The following PARP8 variants were observed in gnomAD, a reference collection of about 807,000 sequenced individuals.
The protein encoded by PARP8 is poly(ADP-ribose) polymerase family member 8.
PARP8 carries 51 observed loss-of-function variants against 124.1 expected under a neutral mutation model. That is an observed-to-expected ratio of 0.41 (90% CI 0.33 to 0.52). The LOEUF is 0.52. Ranked by LOEUF, PARP8 falls within the 20% of genes least tolerant of loss-of-function variation. PARP8 has a pLI of 0.21. For synonymous variants in PARP8, 391 were observed against 361.5 expected, an observed-to-expected ratio of 1.08 and a Z score of -0.93; for missense variants, 860 against 1,018.9, an observed-to-expected ratio of 0.84 and a Z score of 2.12.
At chr5:50,798,209 G>C (rs1193448804) in intron 14 of PARP8, among the ~76,000 whole-genome samples, 2 of 152,086 alleles carry the variant, frequency 1.3e-5, no homozygotes, top group Non-Finnish European at 2.9e-5. Context: ...CCAGTCATCA[G>C]TCGATGGAAT....
chr5:50,778,460 T>C (rs1299893670), intron 8 of PARP8, 100 bp from the exon 9 acceptor site: 1 of 944,096 alleles, frequency 1.1e-6, no homozygotes, highest in African/African-American at 1.7e-5. Flanking sequence ...CTTCATGTTA[T>C]ATGCATTTTG....
intron 2 of PARP8, among the ~76,000 whole-genome samples, chr5:50,677,200 G>A (rs1032639674): frequency 5.3e-5 from 8 of 151,668 alleles, no homozygotes; most frequent in African/African-American, 1.9e-4. Context: ...TCCTTAAGAA[G>A]AGACTCGTAG....
intron 2 of PARP8, among the ~76,000 whole-genome samples, chr5:50,742,394 T>C (rs548961520): frequency 6.6e-6 from 1 of 152,324 alleles, no homozygotes; most frequent in Non-Finnish European, 1.5e-5. Flanking sequence ...TGTGGGTTTA[T>C]GAGTTCTGTG....
chr5:50,726,639 A>T (rs1184866430), intron 2 of PARP8, among the ~76,000 whole-genome samples: 1 of 152,180 alleles, frequency 6.6e-6, no homozygotes, highest in East Asian at 1.9e-4. Context: ...GGGAAATCCC[A>T]CAAGGGAGCT....
chr5:50,678,524 A>G (rs1284680495), intron 2 of PARP8, among the ~76,000 whole-genome samples: 1 of 152,186 alleles, frequency 6.6e-6, no homozygotes, highest in African/African-American at 2.4e-5. Context: ...TTCATATTTG[A>G]TATATATAGG....
At chr5:50,820,134 T>C (rs1189246152) in intron 15 of PARP8, among the ~76,000 whole-genome samples, 1 of 152,182 alleles carries the variant, frequency 6.6e-6, no homozygotes, top group Non-Finnish European at 1.5e-5. Context: ...CTGGAAATTC[T>C]GGATGCTATG....
At chr5:50,746,692 T>C (rs1483220064) in intron 2 of PARP8, among the ~76,000 whole-genome samples, 2 of 152,194 alleles carry the variant, frequency 1.3e-5, no homozygotes, top group South Asian at 4.1e-4. Flanking sequence ...TTAAATCTTA[T>C]TTGGCATTAA....
chr5:50,730,988 A>C (rs1048652564), intron 2 of PARP8, among the ~76,000 whole-genome samples: 1 of 152,228 alleles, frequency 6.6e-6, no homozygotes, highest in African/African-American at 2.4e-5. Context: ...TTGAGCAAGA[A>C]AGATTAGATC....
chr5:50,678,899 G>C (rs1368762731), intron 2 of PARP8, among the ~76,000 whole-genome samples: 2 of 152,088 alleles, frequency 1.3e-5, no homozygotes, highest in Non-Finnish European at 2.9e-5. Flanking sequence ...CCCAATTCTT[G>C]TTGTGAGCAA....
intron 2 of PARP8, among the ~76,000 whole-genome samples, chr5:50,741,083 T>C (rs1757996937): frequency 6.6e-6 from 1 of 152,168 alleles, no homozygotes; most frequent in Non-Finnish European, 1.5e-5. Flanking sequence ...ACTTAAAACT[T>C]GAACTTAGAT....
At chr5:50,749,598 GAA>G (rs1156652669) in intron 2 of PARP8, among the ~76,000 whole-genome samples, 2 of 152,060 alleles carry the variant, frequency 1.3e-5, no homozygotes, top group Admixed American at 1.3e-4. Context: ...TATGAAAATA[GAA>G]TAAAGTTTAT....
intron 14 of PARP8, among the ~76,000 whole-genome samples, chr5:50,809,094 A>G (rs2149678619): frequency 6.6e-6 from 1 of 152,172 alleles, no homozygotes; most frequent in Non-Finnish European, 1.5e-5. Flanking sequence ...TATGAGACAA[A>G]TAGAGACTAC....
chr5:50,822,271 T>G, intron 16 of PARP8, 64 bp from the exon 17 acceptor site: 2 of 1,069,242 alleles, frequency 1.9e-6, no homozygotes, highest in East Asian at 4.7e-5. Flanking sequence ...TCTCTAGTGA[T>G]ATACAGACTT....
At chr5:50,789,879 G>C (rs1031040652) in intron 10 of PARP8, among the ~76,000 whole-genome samples, 30 of 151,988 alleles carry the variant, frequency 2.0e-4, no homozygotes, top group Non-Finnish European at 4.0e-4. Flanking sequence ...CATCATATGT[G>C]GGCTTCTACT....
intron 2 of PARP8, among the ~76,000 whole-genome samples, chr5:50,726,740 T>C (rs576318485): frequency 6.6e-6 from 1 of 152,288 alleles, no homozygotes; most frequent in Non-Finnish European, 1.5e-5. Flanking sequence ...GCTGGTCATA[T>C]GCAAGTACAA....
intron 2 of PARP8, among the ~76,000 whole-genome samples, chr5:50,671,719 T>C (rs1248967578): frequency 6.6e-6 from 1 of 152,208 alleles, no homozygotes; most frequent in Non-Finnish European, 1.5e-5. Flanking sequence ...AACATTAATT[T>C]CTTTCCTTTA....
chr5:50,828,111 T>A (rs570847591), intron 20 of PARP8, 55 bp downstream of exon 20: 5 of 1,322,306 alleles, frequency 3.8e-6, no homozygotes, highest in Non-Finnish European at 5.5e-6. Flanking sequence ...TTTCCAGAAA[T>A]GTATGGGGAA....
At chr5:50,832,362 T>C (rs1211859869) in intron 22 of PARP8, among the ~76,000 whole-genome samples, 1 of 152,176 alleles carries the variant, frequency 6.6e-6, no homozygotes, top group Non-Finnish European at 1.5e-5. Context: ...AATGTTAAAT[T>C]CTGCATAGAA....
At chr5:50,838,412 C>T (rs1747818195) in intron 25 of PARP8, among the ~76,000 whole-genome samples, 1 of 151,976 alleles carries the variant, frequency 6.6e-6, no homozygotes, top group South Asian at 2.1e-4. Flanking sequence ...TCTTAGCCTC[C>T]TTTGTGCAAT....
Sources: gnomAD v4.1 joint callset for allele counts (sites outside exome capture counted in the v4.1 genomes callset) on GRCh38, gnomAD v4.1.1 for gene constraint, MANE v1.5 for transcripts, NCBI Gene and HGNC (gene_info 2026-07-23, HGNC 2026-07-21) for gene names.